The following DOCK5 variants were observed in gnomAD, a reference collection of about 807,000 sequenced individuals.
DOCK5 encodes the protein dedicator of cytokinesis protein 5.
A neutral mutation model predicts 251.8 loss-of-function variants in DOCK5; 142 were observed. The ratio of observed to expected loss-of-function variants is 0.56; its 90% confidence interval spans 0.49 to 0.65. The LOEUF is 0.65. DOCK5 is among the 30% of genes least tolerant of loss of function. The pLI is 0.00. For missense variants in DOCK5, 2,111 were observed against 2,312.3 expected (o/e 0.91, Z 1.79); for synonymous variants, 842 against 835.5 (o/e 1.01, Z -0.13).
At chr8:25,396,586 A>C (rs1801348873) in intron 45 of DOCK5, among the ~76,000 whole-genome samples, 1 of 152,218 alleles carries the variant, frequency 6.6e-6, no homozygotes, top group African/African-American at 2.4e-5. Context: ...ATGGAGGCAG[A>C]ATTTTTCATT....
intron 1 of DOCK5, among the ~76,000 whole-genome samples, chr8:25,229,893 C>T (rs1047993759): frequency 2.6e-5 from 4 of 152,092 alleles, no homozygotes; most frequent in African/African-American, 9.7e-5. Context: ...ATAAAGATCA[C>T]TAATGTGGCC....
At chr8:25,262,820 C>A (rs1253419366) in intron 2 of DOCK5, among the ~76,000 whole-genome samples, 1 of 150,774 alleles carries the variant, frequency 6.6e-6, no homozygotes, top group Non-Finnish European at 1.5e-5. Flanking sequence ...AATATAGATA[C>A]AATTTTTTTT....
Position 25,366,942 on chromosome 8 carries a change from C to A in DOCK5, c.3196C>A (p.Gln1066Lys). The A allele has an allele frequency of 6.2e-7, 1 of 1,613,810 alleles. No homozygotes were observed. Among genetic ancestry groups the A allele is most frequent in the Non-Finnish European group, 8.5e-7 (1 of 1,179,776 alleles). Residue 1066 changes from glutamine to lysine, a missense_variant, in exon 31 of 52, where the codon CAA becomes AAA. Gln to Lys is a moderately conservative substitution (Grantham distance 53). Coordinates refer to ENST00000276440, the MANE Select transcript of DOCK5 (RefSeq NM_024940.8). ...HESLQLETFS[Q>K]AKRNKIVKKY... ...GTCCCTTCAGCTTGAAACCTTCTCA[C>A]AAGCCAAGCGCAACAAAATTGTTAA...
chr8:25,294,832 C>T (rs373592043), intron 6 of DOCK5, among the ~76,000 whole-genome samples: 4 of 152,116 alleles, frequency 2.6e-5, no homozygotes, highest in Non-Finnish European at 4.4e-5. Context: ...GAAGCAAGCA[C>T]GTCTTACATG....
intron 5 of DOCK5, among the ~76,000 whole-genome samples, chr8:25,283,154 T>C (rs1314352232): frequency 6.6e-6 from 1 of 152,174 alleles, no homozygotes; most frequent in Non-Finnish European, 1.5e-5. Flanking sequence ...GGGGAGTATG[T>C]ACACAGAACA....
chr8:25,297,347 T>A (rs867025048), intron 7 of DOCK5, among the ~76,000 whole-genome samples: 11 of 152,086 alleles, frequency 7.2e-5, no homozygotes, highest in Middle Eastern at 3.4e-3. Flanking sequence ...AACCTCTGCC[T>A]CCTGGGTTCA....
intron 24 of DOCK5, among the ~76,000 whole-genome samples, chr8:25,342,146 A>T (rs915360285): frequency 1.3e-5 from 2 of 152,172 alleles, no homozygotes; most frequent in Non-Finnish European, 2.9e-5. Flanking sequence ...AGCCATTTTC[A>T]TAAAGGCGGG....
chr8:25,351,769 G>A lies in DOCK5; in HGVS notation c.2793G>A (p.Arg931=), dbSNP rs1296464419. The A allele has an allele frequency of 6.2e-7, 1 of 1,613,756 alleles. No individual in the cohort carries two copies. The change falls in exon 27 of 52, where the codon CGG becomes CGA. Residue 931 remains arginine (R), a synonymous_variant. Transcript: ENST00000276440. ...TAVHIQLIME[R]LLRRINRTVI... ...TGCACATTCAGCTTATAATGGAACGGCTGCTGAGAAGGATCAACCGGACAG... is the reference window on the plus strand; with the variant it reads ...TGCACATTCAGCTTATAATGGAACGACTGCTGAGAAGGATCAACCGGACAG...
intron 40 of DOCK5, 146 bp from the exon 41 acceptor site, chr8:25,388,945 A>G: frequency 1.4e-6 from 1 of 696,578 alleles, no homozygotes; most frequent in Non-Finnish European, 2.4e-6. Context: ...GGTCGCTGTC[A>G]GGCAAGGACT....
intron 35 of DOCK5, 90 bp downstream of exon 35, chr8:25,372,808 A>G: frequency 7.4e-7 from 1 of 1,345,704 alleles, no homozygotes; most frequent in African/African-American, 1.5e-5. Flanking sequence ...CCACAAACAC[A>G]GAGGCGCCCT....
Position 25,323,965 on chromosome 8 carries a change from A to G in DOCK5, c.1719+14A>G, listed in dbSNP as rs757699783. 1 of 1,592,874 alleles carries G rather than the reference A, an allele frequency of 6.3e-7. No individual in the cohort carries two copies. ...GTGGTTTATAAGGTGGTGCTAACAG[A>G]AAATGGCTGAGAAAAATACTCCCTT... On this transcript the variant is annotated intron_variant, in intron 17 of 51. Coordinates refer to ENST00000276440, the MANE Select transcript of DOCK5 (RefSeq NM_024940.8).
chr8:25,189,329 G>C (rs1311322690), intron 1 of DOCK5, among the ~76,000 whole-genome samples: 1 of 151,916 alleles, frequency 6.6e-6, no homozygotes, highest in Non-Finnish European at 1.5e-5. Context: ...ATGTTGCTAG[G>C]ATTACAGGGG....
chr8:25,274,325 C>T (rs1362031946), intron 3 of DOCK5, among the ~76,000 whole-genome samples: 1 of 152,178 alleles, frequency 6.6e-6, no homozygotes, highest in Non-Finnish European at 1.5e-5. Context: ...AGGAATAGGG[C>T]TGGGAGCAGT....
At chr8:25,371,334 G>A (rs991749669) in intron 34 of DOCK5, among the ~76,000 whole-genome samples, 3 of 152,206 alleles carry the variant, frequency 2.0e-5, no homozygotes, top group African/African-American at 7.2e-5. Flanking sequence ...GAGCCACCGT[G>A]ATGGATGCCT....
At chr8:25,362,350 G>C (rs1800698076) in intron 28 of DOCK5, among the ~76,000 whole-genome samples, 1 of 152,058 alleles carries the variant, frequency 6.6e-6, no homozygotes, top group Non-Finnish European at 1.5e-5. Flanking sequence ...TGGCAGCAGA[G>C]GAAGAAAGAG....
At chr8:25,282,830 A>G (rs535702716) in intron 5 of DOCK5, among the ~76,000 whole-genome samples, 36 of 120,458 alleles carry the variant, frequency 3.0e-4, no homozygotes, top group Non-Finnish European at 5.4e-4. Context: ...AGCCTGGGTG[A>G]CACAGTAAGA....
chr8:25,307,685 A>G (rs1485761931), intron 11 of DOCK5, among the ~76,000 whole-genome samples: 1 of 152,146 alleles, frequency 6.6e-6, no homozygotes, highest in Non-Finnish European at 1.5e-5. Flanking sequence ...TTCCTCCAGC[A>G]ACCATATCAC....
At chr8:25,289,499 T>A (rs1357118038) in intron 5 of DOCK5, among the ~76,000 whole-genome samples, 8 of 152,032 alleles carry the variant, frequency 5.3e-5, no homozygotes, top group Non-Finnish European at 1.2e-4. Context: ...TTCTTATAAT[T>A]TCAGAAGTAT....
intron 2 of DOCK5, among the ~76,000 whole-genome samples, chr8:25,247,737 C>T (rs1316839209): frequency 6.6e-6 from 1 of 152,176 alleles, no homozygotes; most frequent in Non-Finnish European, 1.5e-5. Context: ...TAAATATAAT[C>T]ACAGATACAT....
Sources: gnomAD v4.1 joint callset for allele counts (sites outside exome capture counted in the v4.1 genomes callset) on GRCh38, gnomAD v4.1.1 for gene constraint, MANE v1.5 for transcripts, NCBI Gene and HGNC (gene_info 2026-07-23, HGNC 2026-07-21) for gene names.